The following CDH17 variants were observed in gnomAD, a reference collection of about 807,000 sequenced individuals.
CDH17 encodes cadherin 17, also known as cadherin-17.
In CDH17, 67 loss-of-function variants were observed where a neutral mutation model predicts 86.3. The ratio of observed to expected loss-of-function variants is 0.78; its 90% CI spans 0.64 to 0.95. CDH17 has a LOEUF of 0.95. Among genes scored for constraint, CDH17 ranks in the 40% least tolerant of loss-of-function variants. CDH17 has a pLI of 0.00. For synonymous variants in CDH17, 367 were observed against 366.4 expected (o/e 1.00, Z -0.02); for missense variants, 993 against 1,017.6 (o/e 0.98, Z 0.33).
intron 14 of CDH17, among the ~76,000 whole-genome samples, chr8:94,146,574 T>C (rs1812749469): frequency 6.6e-6 from 1 of 152,220 alleles, no homozygotes; most frequent in South Asian, 2.1e-4. Context: ...GAATCCCACA[T>C]ATGAGTGAAT....
chr8:94,170,689 G>T, intron 8 of CDH17, 142 bp from the exon 9 acceptor site: 1 of 1,313,168 alleles, frequency 7.6e-7, no homozygotes, highest in Non-Finnish European at 1.0e-6. Context: ...AAACTGAGAT[G>T]GGTCAGAATT....
chr8:94,172,022 G>A (rs889278823), intron 7 of CDH17, among the ~76,000 whole-genome samples: 221 of 71,570 alleles, frequency 3.1e-3, no homozygotes, highest in African/African-American at 0.012. Flanking sequence ...CCCTTCTCCC[G>A]CTCCTCCTTC....
At chr8:94,170,267 T>A in intron 9 of CDH17, 130 bp downstream of exon 9, 1 of 919,348 alleles carries the variant, frequency 1.1e-6, no homozygotes, top group Non-Finnish European at 1.7e-6. Context: ...ACTCCCAAGG[T>A]ACAGTCAACC....
chr8:94,216,208 G>A (rs1814191558), intron 1 of CDH17, among the ~76,000 whole-genome samples: 1 of 152,170 alleles, frequency 6.6e-6, no homozygotes, highest in Admixed American at 6.5e-5. Context: ...CAATCCAGGA[G>A]TTTCTGGAAA....
chr8:94,195,926 A>G (rs904602812), intron 1 of CDH17, among the ~76,000 whole-genome samples: 4 of 151,262 alleles, frequency 2.6e-5, no homozygotes, highest in African/African-American at 9.7e-5. Context: ...ACGCCTGGCT[A>G]ATTTTTTGTA....
chr8:94,162,216 T>C, intron 10 of CDH17, 54 bp from the exon 11 acceptor site: 1 of 1,157,778 alleles, frequency 8.6e-7, no homozygotes, highest in South Asian at 1.3e-5. Context: ...CATGCATTAA[T>C]ATCAGAAATC....
chr8:94,154,976 C>A (rs1430737226), intron 12 of CDH17, among the ~76,000 whole-genome samples: 1 of 152,110 alleles, frequency 6.6e-6, no homozygotes, highest in Non-Finnish European at 1.5e-5. Flanking sequence ...CACCAACACA[C>A]ACCATCATGA....
intron 17 of CDH17, 31 bp from the exon 18 acceptor site, chr8:94,128,371 G>A: frequency 7.4e-7 from 1 of 1,342,522 alleles, no homozygotes; most frequent in Admixed American, 1.7e-5. Flanking sequence ...TCAAATAAAT[G>A]GGACCTTTTA....
intron 7 of CDH17, among the ~76,000 whole-genome samples, 193 bp downstream of exon 7, chr8:94,173,604 C>A (rs1054546832): frequency 2.6e-5 from 4 of 152,204 alleles, no homozygotes; most frequent in African/African-American, 9.7e-5. Context: ...ATAATATCTG[C>A]ATCCAAGTTG....
intron 15 of CDH17, among the ~76,000 whole-genome samples, chr8:94,141,291 A>G (rs1291797638): frequency 4.6e-5 from 7 of 152,002 alleles, no homozygotes; most frequent in Admixed American, 4.6e-4. Flanking sequence ...ACCCTCACAA[A>G]TAGGAATAAA....
At chr8:94,195,721 T>C (rs1476601585) in intron 1 of CDH17, among the ~76,000 whole-genome samples, 1 of 151,970 alleles carries the variant, frequency 6.6e-6, no homozygotes, top group Non-Finnish European at 1.5e-5. Context: ...TTACCTGTCA[T>C]AAGTTTGGAC....
chr8:94,190,557 G>A (rs953059176), intron 2 of CDH17, among the ~76,000 whole-genome samples: 1 of 152,186 alleles, frequency 6.6e-6, no homozygotes, highest in African/African-American at 2.4e-5. Flanking sequence ...ACGACTTTGG[G>A]TCTCCCATTT....
At chr8:94,173,002 A>C (rs1406621099) in intron 7 of CDH17, among the ~76,000 whole-genome samples, 3 of 152,136 alleles carry the variant, frequency 2.0e-5, no homozygotes, top group Non-Finnish European at 4.4e-5. Context: ...CCACAATAAG[A>C]AGCAGCAGCC....
Position 94,171,829 on chromosome 8 carries a change from C to T in CDH17, c.784-844G>A, listed in dbSNP as rs1813274484. On this transcript the variant is annotated intron_variant, in intron 7 of 17. Coordinates refer to ENST00000027335, the MANE Select transcript of CDH17 (RefSeq NM_004063.4). ...CACAGTAAACTATTCTCAGAGCAGCCTGGGAAGATATCACAGCAGCAACTT... is the reference window on the plus strand; with the variant it reads ...CACAGTAAACTATTCTCAGAGCAGCTTGGGAAGATATCACAGCAGCAACTT... Among the ~76,000 whole-genome samples the T allele has an allele frequency of 1.3e-5, 2 of 152,110 alleles. 1 individual carries two copies. Among genetic ancestry groups the T allele is most frequent in the South Asian group, 4.1e-4 (2 of 4,832 alleles).
chr8:94,149,541 A>C (rs1191923197), intron 13 of CDH17, among the ~76,000 whole-genome samples: 1 of 152,120 alleles, frequency 6.6e-6, no homozygotes, highest in Admixed American at 6.5e-5. Flanking sequence ...AGTCTTTCTG[A>C]AGTAGTAGAT....
At chr8:94,201,872 TA>T (rs1403385680) in intron 1 of CDH17, 3 of 156,070 alleles carry the variant, frequency 1.9e-5, no homozygotes, top group Non-Finnish European at 2.8e-5. Context: ...GGCATTCATT[TA>T]TTTTTTTTTA....
intron 8 of CDH17, 111 bp downstream of exon 8, chr8:94,170,743 G>T: frequency 7.2e-7 from 1 of 1,392,226 alleles, no homozygotes; most frequent in Non-Finnish European, 9.8e-7. Flanking sequence ...ATATGCTGGA[G>T]TCTGAAATGT....
intron 13 of CDH17, among the ~76,000 whole-genome samples, chr8:94,149,351 C>T (rs1342176154): frequency 2.6e-5 from 4 of 152,250 alleles, no homozygotes; most frequent in Admixed American, 1.3e-4. Flanking sequence ...GTGAATTCCT[C>T]ATCCAACAAA....
chr8:94,179,720 T>C (rs1813442181), intron 3 of CDH17, among the ~76,000 whole-genome samples: 1 of 152,214 alleles, frequency 6.6e-6, no homozygotes, highest in South Asian at 2.1e-4. Flanking sequence ...ACTCTCTATC[T>C]AGTCATTAGC....
Sources: gnomAD v4.1 joint callset for allele counts (sites outside exome capture counted in the v4.1 genomes callset) on GRCh38, gnomAD v4.1.1 for gene constraint, MANE v1.5 for transcripts, NCBI Gene and HGNC (gene_info 2026-07-23, HGNC 2026-07-21) for gene names.